The following PTPRD variants were observed in gnomAD, a reference collection of about 807,000 sequenced individuals.
The protein encoded by PTPRD is protein tyrosine phosphatase receptor type D, also known as receptor-type tyrosine-protein phosphatase delta.
A neutral mutation model predicts 214.5 loss-of-function variants in PTPRD; 34 were observed. The observed-to-expected ratio is 0.16, with a 90% CI of 0.12 to 0.21. The LOEUF is 0.21. PTPRD is among the 10% of genes least tolerant of loss of function. The pLI, the probability that PTPRD is intolerant of heterozygous loss-of-function variation, is 1.00. For missense variants in PTPRD, 2,545 were observed against 2,398.7 expected, an observed-to-expected ratio of 1.06 and a Z score of -1.27; for synonymous variants, 1,128 against 845.7, an observed-to-expected ratio of 1.33 and a Z score of -5.79.
At chr9:9,543,200 G>A (rs2078012852) in intron 8 of PTPRD, among the ~76,000 whole-genome samples, 2 of 151,592 alleles carry the variant, frequency 1.3e-5, no homozygotes, top group African/African-American at 2.4e-5. Context: ...AAACATACAT[G>A]AAAGAATGCA....
At chr9:8,773,919 T>C (rs1246466189) in intron 11 of PTPRD, among the ~76,000 whole-genome samples, 6 of 152,200 alleles carry the variant, frequency 3.9e-5, no homozygotes, top group Non-Finnish European at 7.3e-5. Context: ...ATGTAATGTC[T>C]GTGAAGCTTT....
At chr9:9,077,492 T>C (rs1338503187) in intron 10 of PTPRD, among the ~76,000 whole-genome samples, 1 of 152,108 alleles carries the variant, frequency 6.6e-6, no homozygotes, top group African/African-American at 2.4e-5. Flanking sequence ...AAGATGTGGT[T>C]GGTTCATCTG....
Position 8,518,064 on chromosome 9 carries a change from C to G in PTPRD, c.1327G>C (p.Glu443Gln), listed in dbSNP as rs1362700624. ...TATCCTTGGATCTGTCCATTTGGCTCTTCAGGTTCCTTCCACTGTACCAAA... is the reference window on the plus strand; with the variant it reads ...TATCCTTGGATCTGTCCATTTGGCTGTTCAGGTTCCTTCCACTGTACCAAA... ...TILVQWKEPE[E>Q]PNGQIQGYRV... The change falls in exon 21 of 46, where the codon GAG (glutamate) becomes CAG (glutamine). Residue 443 changes from glutamate to glutamine, a missense_variant. Coordinates refer to ENST00000381196, the MANE Select transcript of PTPRD (RefSeq NM_002839.4). 3 of 1,614,070 alleles carry G rather than the reference C, an allele frequency of 1.9e-6. No individual in the cohort carries two copies. Among genetic ancestry groups the G allele is most frequent in the African/African-American group, 2.7e-5 (2 of 74,928 alleles).
chr9:9,371,190 A>G (rs1283618022), intron 9 of PTPRD, among the ~76,000 whole-genome samples: 2 of 152,166 alleles, frequency 1.3e-5, no homozygotes, highest in Admixed American at 6.6e-5. Context: ...AAGGAATGGT[A>G]CCAGCTCCTC....
At chr9:8,503,917 A>G (rs2097480076) in intron 23 of PTPRD, among the ~76,000 whole-genome samples, 1 of 152,140 alleles carries the variant, frequency 6.6e-6, no homozygotes, top group African/African-American at 2.4e-5. Context: ...CCCTCCTATG[A>G]TTATTTTACA....
At chr9:9,458,663 CA>C (rs1239816041) in intron 8 of PTPRD, among the ~76,000 whole-genome samples, 1 of 151,998 alleles carries the variant, frequency 6.6e-6, no homozygotes, top group Non-Finnish European at 1.5e-5. Context: ...CAAAAATGAC[CA>C]AGTAGAGTGG....
chr9:9,928,958 A>T (rs1463954276), intron 5 of PTPRD, among the ~76,000 whole-genome samples: 1 of 152,182 alleles, frequency 6.6e-6, no homozygotes, highest in Admixed American at 6.5e-5. Context: ...ACAGTAGTTG[A>T]TTTATAAAAT....
chr9:8,623,992 T>C (rs940134878), intron 14 of PTPRD, among the ~76,000 whole-genome samples: 2 of 151,980 alleles, frequency 1.3e-5, no homozygotes, highest in African/African-American at 4.8e-5. Flanking sequence ...TTCTAAAATA[T>C]ATCTAATGTT....
intron 4 of PTPRD, among the ~76,000 whole-genome samples, chr9:9,939,387 G>C (rs943239899): frequency 1.2e-4 from 18 of 152,280 alleles, no homozygotes; most frequent in African/African-American, 4.3e-4. Context: ...CACTGTAGCA[G>C]TCTTCTTGTG....
rs71317369 is a variant in PTPRD at position 8,548,676 on chromosome 9, ATTTTTTTTTTTTTTTTTTT to A, written c.353-19916_353-19898del. The stretch of plus-strand genomic sequence containing the variant: ...AGCCATTGCACCCAGCTGGAGCTGG[ATTTTTTTTTTTTTTTTTTT>A]TTTTTTTTTTTTTTTTGAGACGGAG... On this transcript the variant is annotated intron_variant, in intron 14 of 45. Transcript: ENST00000381196. Among the ~76,000 whole-genome samples the A allele has an allele frequency of 5.5e-3, 227 of 41,142 alleles. 4 individuals are homozygous for A. The highest frequency in any genetic ancestry group is 0.018 in the African/African-American group (210 of 11,918). 27.0% of individuals were successfully genotyped at this position (41,142 alleles called of 152,430 possible). A position where few individuals can be genotyped will look rare whatever the true frequency, so the allele number is the denominator to read the frequency against.
intron 5 of PTPRD, 48 bp from the exon 6 acceptor site, chr9:9,766,899 T>C (rs1170165597): frequency 6.6e-6 from 1 of 152,458 alleles, no homozygotes; most frequent in Non-Finnish European, 1.5e-5. Context: ...AGTAAATGCA[T>C]AGATTGAGAA....
chr9:9,912,745 G>T (rs905124904), intron 5 of PTPRD, among the ~76,000 whole-genome samples: 3 of 152,190 alleles, frequency 2.0e-5, no homozygotes, highest in African/African-American at 7.2e-5. Flanking sequence ...AACCCAAGTT[G>T]AGAATGATAT....
chr9:9,355,188 T>C (rs1243346530), intron 9 of PTPRD, among the ~76,000 whole-genome samples: 2 of 151,722 alleles, frequency 1.3e-5, no homozygotes, highest in Non-Finnish European at 2.9e-5. Context: ...CAAAAGGTTT[T>C]TGGGTCCTTT....
chr9:8,364,915 A>C (rs1459089316), intron 39 of PTPRD, among the ~76,000 whole-genome samples: 3 of 151,982 alleles, frequency 2.0e-5, no homozygotes, highest in Admixed American at 1.3e-4. Context: ...CAAACATAAC[A>C]CTTCCTCTCA....
chr9:10,439,224 C>T (rs55740374), intron 2 of PTPRD, among the ~76,000 whole-genome samples: 14,328 of 151,632 alleles, frequency 0.094, 1,129 homozygotes, highest in African/African-American at 0.21. Context: ...GTGTCACTCA[C>T]GCGTTTGAGA....
chr9:10,301,665 A>G (rs2095865855), intron 3 of PTPRD, among the ~76,000 whole-genome samples: 1 of 152,182 alleles, frequency 6.6e-6, no homozygotes, highest in South Asian at 2.1e-4. Context: ...GAAAAAAAGG[A>G]TATCAGAGAT....
chr9:9,724,584 A>C (rs990069039), intron 7 of PTPRD, among the ~76,000 whole-genome samples: 2 of 152,186 alleles, frequency 1.3e-5, no homozygotes, highest in African/African-American at 2.4e-5. Context: ...ACAGATCCTT[A>C]AGTGGATGAA....
intron 3 of PTPRD, among the ~76,000 whole-genome samples, chr9:10,190,472 C>T (rs1315592255): frequency 2.6e-4 from 35 of 135,976 alleles, no homozygotes; most frequent in African/African-American, 9.4e-4. Context: ...AATCCCAGTA[C>T]TTTGTGAGGC....
intron 3 of PTPRD, among the ~76,000 whole-genome samples, chr9:10,193,636 T>C (rs1366453182): frequency 1.3e-5 from 2 of 152,140 alleles, no homozygotes; most frequent in East Asian, 3.9e-4. Context: ...AAAAGATTCT[T>C]TTCAGGATGC....
Sources: gnomAD v4.1 joint callset for allele counts (sites outside exome capture counted in the v4.1 genomes callset) on GRCh38, gnomAD v4.1.1 for gene constraint, MANE v1.5 for transcripts, NCBI Gene and HGNC (gene_info 2026-07-23, HGNC 2026-07-21) for gene names.